The following GLI2 variants were observed in gnomAD, a reference collection of about 807,000 sequenced individuals.
GLI2 encodes the protein transcription activator GLI2.
In GLI2, 22 loss-of-function variants were observed where a neutral mutation model predicts 78.9. That is an observed-to-expected ratio of 0.28 (90% CI 0.20 to 0.40). The LOEUF is 0.40. Among genes scored for constraint, GLI2 ranks in the 10% least tolerant of loss-of-function variants. GLI2 has a pLI of 1.00. For synonymous variants in GLI2, 974 were observed against 963.7 expected (o/e 1.01, Z -0.20); for missense variants, 2,097 against 2,213.2 (o/e 0.95, Z 1.05).
chr2:120,844,694 T>A (rs1312919489), intron 2 of GLI2, among the ~76,000 whole-genome samples: 1 of 152,226 alleles, frequency 6.6e-6, no homozygotes, highest in Non-Finnish European at 1.5e-5. Flanking sequence ...GTGTCTTTGG[T>A]CACCAAGACA....
At chr2:120,866,535 CAA>C (rs1688141148) in intron 2 of GLI2, 1 of 152,280 alleles carries the variant, frequency 6.6e-6, no homozygotes, top group Non-Finnish European at 1.5e-5. Context: ...ATTGGGGTGA[CAA>C]AGAGTGATGA....
chr2:120,903,347 C>A (rs1678357936), intron 2 of GLI2, among the ~76,000 whole-genome samples: 1 of 141,388 alleles, frequency 7.1e-6, no homozygotes, highest in African/African-American at 2.7e-5. Flanking sequence ...CAGAGTGAGA[C>A]TCCATCTCAA....
intron 4 of GLI2, 122 bp from the exon 5 acceptor site, chr2:120,955,123 C>A (rs577745517): frequency 4.2e-6 from 3 of 714,870 alleles, no homozygotes; most frequent in South Asian, 1.6e-5. Context: ...AGGAGAGAAA[C>A]CCCGACACCA....
At chr2:120,980,043 A>G (rs1682645504) in intron 10 of GLI2, among the ~76,000 whole-genome samples, 1 of 152,198 alleles carries the variant, frequency 6.6e-6, no homozygotes, top group Admixed American at 6.5e-5. Context: ...TGCATTCATC[A>G]GTTGATGGAT....
At chr2:120,740,819 C>T (rs1008938632) in intron 1 of GLI2, among the ~76,000 whole-genome samples, 1 of 152,230 alleles carries the variant, frequency 6.6e-6, no homozygotes, top group Non-Finnish European at 1.5e-5. Context: ...GGGATTGATT[C>T]CCTCTTTGGG....
At chr2:120,770,154 G>A (rs1683483046) in intron 1 of GLI2, among the ~76,000 whole-genome samples, 1 of 152,176 alleles carries the variant, frequency 6.6e-6, no homozygotes, top group South Asian at 2.1e-4. Flanking sequence ...GAACACCTCG[G>A]TGGCCCCATA....
At chr2:120,898,075 G>T (rs1468061090) in intron 2 of GLI2, among the ~76,000 whole-genome samples, 7 of 151,798 alleles carry the variant, frequency 4.6e-5, no homozygotes, top group Non-Finnish European at 8.8e-5. Flanking sequence ...CTTCACCTGT[G>T]GTCTTTTCTT....
chr2:120,871,021 C>T (rs1258518811), intron 2 of GLI2, among the ~76,000 whole-genome samples: 2 of 152,232 alleles, frequency 1.3e-5, no homozygotes, highest in Non-Finnish European at 2.9e-5. Context: ...AAGGCAAATC[C>T]TGGGACTTGA....
At chr2:120,916,973 A>C (rs549317354) in intron 2 of GLI2, among the ~76,000 whole-genome samples, 1 of 152,104 alleles carries the variant, frequency 6.6e-6, no homozygotes, top group African/African-American at 2.4e-5. Flanking sequence ...TTTAGGTACA[A>C]CTTCCCTGGG....
At chr2:120,967,676 G>A (rs114749795) in intron 5 of GLI2, among the ~76,000 whole-genome samples, 1,983 of 152,376 alleles carry the variant, frequency 0.013, 44 homozygotes, top group African/African-American at 0.043. Context: ...ACACATGTCT[G>A]CGTGTGGGTG....
intron 2 of GLI2, among the ~76,000 whole-genome samples, chr2:120,884,978 A>G (rs934605434): frequency 3.9e-5 from 6 of 152,046 alleles, no homozygotes; most frequent in African/African-American, 1.4e-4. Flanking sequence ...CTATCCTAAC[A>G]GCTGGGCTGC....
At position 120,762,524 on chromosome 2, in the gene GLI2, A is replaced by G. The variant is rs542194310; in HGVS notation, c.-31+26239A>G. On this transcript the variant is annotated intron_variant, in intron 1 of 13. Transcript: ENST00000361492. ...CAGGAGGAGAGTCACAGGAAGGGGC[A>G]GGTCCCAGGAAGGCACAAGCACACC... 3.3e-5 allele frequency among the ~76,000 whole-genome samples: 5 copies of G among 152,288 alleles called. No homozygotes were observed. In the South Asian group the frequency reaches 1.0e-3, roughly 32 times the overall value.
chr2:120,925,780 T>A (rs1430496398), intron 2 of GLI2, among the ~76,000 whole-genome samples: 2 of 152,114 alleles, frequency 1.3e-5, no homozygotes, highest in Non-Finnish European at 2.9e-5. Context: ...TGTAAAAAAA[T>A]GGTTTAAATG....
At chr2:120,798,426 G>A (rs780177897) in intron 2 of GLI2, among the ~76,000 whole-genome samples, 3 of 152,198 alleles carry the variant, frequency 2.0e-5, no homozygotes, top group South Asian at 2.1e-4. Context: ...CGCTGGGGCC[G>A]GAGCCCAGGA....
At chr2:120,946,060 C>A (rs968698897) in intron 3 of GLI2, among the ~76,000 whole-genome samples, 4 of 151,690 alleles carry the variant, frequency 2.6e-5, no homozygotes, top group Admixed American at 2.6e-4. Context: ...TCGTGAACTC[C>A]TATTCATCCC....
chr2:120,976,198 A>G (rs1027384558), intron 9 of GLI2, among the ~76,000 whole-genome samples: 1 of 152,216 alleles, frequency 6.6e-6, no homozygotes, highest in Admixed American at 6.5e-5. Context: ...ACATGCACAC[A>G]CACACATGCA....
At chr2:120,851,755 T>C (rs1019950035) in intron 2 of GLI2, among the ~76,000 whole-genome samples, 1 of 152,208 alleles carries the variant, frequency 6.6e-6, no homozygotes, top group Non-Finnish European at 1.5e-5. Context: ...CTCCTGTTCC[T>C]GTGAGGAAGA....
At chr2:120,874,721 G>T (rs561200923) in intron 2 of GLI2, among the ~76,000 whole-genome samples, 2 of 152,226 alleles carry the variant, frequency 1.3e-5, no homozygotes, top group South Asian at 2.1e-4. Context: ...TCAGAAAGAC[G>T]CCTCGGCAGC....
rs1688536462 is a variant in GLI2, at chr2:120,872,827, C to G, written c.149-54534C>G. ...GCATAGTACTAGCCCATGGTAAGGG[C>G]TCAGATATGTCACTTGTTCAATTAC... is the stretch of plus-strand genomic sequence containing the variant. On this transcript the variant is annotated intron_variant, in intron 2 of 13. Coordinates refer to ENST00000361492, the MANE Select transcript of GLI2 (RefSeq NM_001374353.1). Among the ~76,000 whole-genome samples the G allele has an allele frequency of 5.9e-5, 9 of 152,234 alleles. 1 individual carries two copies. In the South Asian group the frequency reaches 1.7e-3, roughly 28 times the overall value.
Sources: allele counts gnomAD v4.1 joint callset (sites outside exome capture counted in the v4.1 genomes callset), GRCh38; gene constraint gnomAD v4.1.1; transcripts MANE v1.5; gene names NCBI Gene and HGNC (gene_info 2026-07-23, HGNC 2026-07-21).